Variants in ANKRD54 observed in about 807,000 individuals in gnomAD.
ANKRD54 encodes the protein ankyrin repeat domain 54, also known as ankyrin repeat domain-containing protein 54.
Under a neutral mutation model 36.2 loss-of-function variants are expected in ANKRD54, and 26 were observed. The ratio of observed to expected loss-of-function variants is 0.72; its 90% CI spans 0.53 to 1.00. ANKRD54 has a LOEUF of 1.00. Ranked by LOEUF, ANKRD54 falls within the 50% of genes least tolerant of loss-of-function variation. ANKRD54 has a pLI of 0.00. For synonymous variants in ANKRD54, 209 were observed against 188.4 expected, an observed-to-expected ratio of 1.11 and a Z score of -0.89; for missense variants, 384 against 424.3, an observed-to-expected ratio of 0.91 and a Z score of 0.83.
intron 3 of ANKRD54, among the ~76,000 whole-genome samples, chr22:37,838,049 G>C (rs1002007242): frequency 1.6e-4 from 24 of 152,042 alleles, no homozygotes; most frequent in African/African-American, 5.8e-4. Flanking sequence ...GCAGGAGAAT[G>C]GCGTGAACCC....
At position 37,840,797 on chromosome 22, in the gene ANKRD54, G is replaced by C. The variant is rs142494870; in HGVS notation, c.329-563C>G. Reference sequence around the variant, plus strand: ...AGCTACTCTGGAGGCTGAGGTAGGAGAATCACTTGAACCCAGGACATGGAG... The same window carrying C: ...AGCTACTCTGGAGGCTGAGGTAGGACAATCACTTGAACCCAGGACATGGAG... On this transcript the variant is annotated intron_variant, in intron 1 of 7. Transcript: ENST00000215941. Among the ~76,000 whole-genome samples the C allele has an allele frequency of 3.1e-3, 472 of 151,516 alleles. 5 individuals are homozygous for C. Among genetic ancestry groups the C allele is most frequent in the African/African-American group, 0.011 (451 of 41,296 alleles).
At chr22:37,833,569 G>T in intron 4 of ANKRD54, 115 bp downstream of exon 4, 2 of 1,123,446 alleles carry the variant, frequency 1.8e-6, no homozygotes, top group Non-Finnish European at 2.6e-6. Context: ...GCAGGCCTAG[G>T]ATCTTCCCTG....
intron 3 of ANKRD54, among the ~76,000 whole-genome samples, chr22:37,837,637 G>T (rs1923714138): frequency 6.6e-6 from 1 of 152,182 alleles, no homozygotes; most frequent in East Asian, 1.9e-4. Context: ...AACACTGAGG[G>T]AAGACTGTAC....
chr22:37,833,808 C>T (rs1025309379), intron 3 of ANKRD54, 53 bp from the exon 4 acceptor site: 73 of 1,560,662 alleles, frequency 4.7e-5, no homozygotes, highest in Non-Finnish European at 8.8e-6. Context: ...TTGCCTGCAC[C>T]CTGAACCCCT....
At chr22:37,845,522 G>A (rs1924786100), upstream of ANKRD54, among the ~76,000 whole-genome samples, 1 of 152,154 alleles carries the variant, frequency 6.6e-6, no homozygotes. Flanking sequence ...ACCGGACCAG[G>A]TCTTGTGTCC....
chr22:37,843,348 G>A (rs1415601770), intron 1 of ANKRD54, among the ~76,000 whole-genome samples: 2 of 151,958 alleles, frequency 1.3e-5, no homozygotes, highest in Non-Finnish European at 2.9e-5. Flanking sequence ...GCTTGAACCC[G>A]GGGGGCGGAG....
At chr22:37,837,579 C>G (rs1288604775) in intron 3 of ANKRD54, among the ~76,000 whole-genome samples, 2 of 152,208 alleles carry the variant, frequency 1.3e-5, no homozygotes, top group African/African-American at 4.8e-5. Context: ...AGGACTTGAG[C>G]ATCCATGGAG....
chr22:37,846,797 G>A (rs989997549), upstream of ANKRD54, among the ~76,000 whole-genome samples: 1 of 151,924 alleles, frequency 6.6e-6, no homozygotes, highest in African/African-American at 2.4e-5. Context: ...TGTCAAATTG[G>A]AGCAACCTGT....
intron 2 of ANKRD54, 93 bp from the exon 3 acceptor site, chr22:37,838,691 G>A: frequency 3.1e-6 from 4 of 1,292,940 alleles, no homozygotes; most frequent in Non-Finnish European, 3.2e-6. Context: ...GCTCAGGGGT[G>A]CCTCTAGACA....
At chr22:37,833,316 C>G in intron 4 of ANKRD54, 110 bp from the exon 5 acceptor site, 1 of 1,378,604 alleles carries the variant, frequency 7.3e-7, no homozygotes, top group South Asian at 1.2e-5. Context: ...CCAAGTTATG[C>G]CTACTGAGAA....
rs1482170947 is a variant in ANKRD54 at position 37,838,381 on chromosome 22, T to C, written c.475+119A>G. The C allele has an allele frequency of 3.0e-6, 3 of 984,164 alleles. 1 individual carries two copies. The South Asian group carries it at 5.0e-5, about 17-fold the overall frequency. 61.0% of individuals were successfully genotyped at this position (984,164 alleles called of 1,614,324 possible). A position where few individuals can be genotyped will look rare whatever the true frequency, so the allele number is the denominator to read the frequency against. ...GGCAGGGCACTGCAGTGCCAAGTCTTCCTTATATCCAGAACAACTGGGCAT... is the reference window on the plus strand; with the variant it reads ...GGCAGGGCACTGCAGTGCCAAGTCTCCCTTATATCCAGAACAACTGGGCAT... On this transcript the variant is annotated intron_variant, in intron 3 of 7. Transcript: ENST00000215941.
chr22:37,845,625 C>A (rs1045877437), upstream of ANKRD54, among the ~76,000 whole-genome samples: 2 of 151,810 alleles, frequency 1.3e-5, no homozygotes, highest in Non-Finnish European at 2.9e-5. Flanking sequence ...AATCCCAGCA[C>A]TTTGGGAGGC....
chr22:37,837,707 A>G (rs1923721877), intron 3 of ANKRD54, among the ~76,000 whole-genome samples: 1 of 152,218 alleles, frequency 6.6e-6, no homozygotes, highest in Non-Finnish European at 1.5e-5. Flanking sequence ...AAAGTATGCA[A>G]GGCTGGTGCA....
chr22:37,844,472 A>G, upstream of ANKRD54: 1 of 443,058 alleles, frequency 2.3e-6, no homozygotes, highest in Non-Finnish European at 4.0e-6. Flanking sequence ...CAGTACAAGC[A>G]GGATAATTGG....
upstream of ANKRD54, chr22:37,844,399 G>A (rs778708395): frequency 2.8e-6 from 2 of 708,620 alleles, no homozygotes; most frequent in African/African-American, 1.9e-5. Flanking sequence ...GAGACAGAGC[G>A]GCGAACCAAT....
At chr22:37,844,574 A>G (rs917283000), upstream of ANKRD54, 1 of 300,948 alleles carries the variant, frequency 3.3e-6, no homozygotes, top group Admixed American at 5.2e-5. Context: ...TACCGGAGCC[A>G]GTAAAACAGC....
intron 3 of ANKRD54, among the ~76,000 whole-genome samples, chr22:37,838,274 CTCAG>C (rs947368472): frequency 4.6e-5 from 7 of 152,200 alleles, no homozygotes; most frequent in African/African-American, 1.7e-4. Flanking sequence ...TCCCTTCATC[CTCAG>C]TCAATCATAT....
chr22:37,847,604 T>G (rs982496146), upstream of ANKRD54: 2 of 474,070 alleles, frequency 4.2e-6, no homozygotes, highest in African/African-American at 4.1e-5. Flanking sequence ...TGTCATTATT[T>G]TCTCACTGTT....
intron 3 of ANKRD54, 137 bp from the exon 4 acceptor site, chr22:37,833,892 T>C (rs1020903434): frequency 2.7e-6 from 2 of 732,412 alleles, no homozygotes; most frequent in Non-Finnish European, 2.3e-6. Context: ...ACTTCATTCA[T>C]TCACTCACTC....
Sources: allele counts gnomAD v4.1 joint callset (sites outside exome capture counted in the v4.1 genomes callset), GRCh38; gene constraint gnomAD v4.1.1; transcripts MANE v1.5; gene names NCBI Gene and HGNC (gene_info 2026-07-23, HGNC 2026-07-21).